Variants in CARHSP1 observed in about 807,000 individuals in gnomAD.
CARHSP1 encodes calcium regulated heat stable protein 1, also known as calcium-regulated heat-stable protein 1.
A neutral mutation model predicts 12.5 loss-of-function variants in CARHSP1; 14 were observed. The ratio of observed to expected loss-of-function variants is 1.12; its 90% CI spans 0.74 to 1.75. The LOEUF is 1.75. Ranked by LOEUF, CARHSP1 falls within the 40% of genes most tolerant of loss-of-function variation. CARHSP1 has a pLI of 0.00. For missense variants in CARHSP1, 343 were observed against 201.6 expected (o/e 1.70, Z -4.25); for synonymous variants, 161 against 82.0 (o/e 1.96, Z -5.20).
At position 8,864,605 on chromosome 16, in the gene CARHSP1, C is replaced by T. The variant is rs186354967; in HGVS notation, c.-8+4361G>A. Among the ~76,000 whole-genome samples, 22 of 152,270 alleles carry T rather than the reference C, an allele frequency of 1.4e-4. 1 individual carries two copies. The highest frequency in any genetic ancestry group is 3.4e-3 in the Middle Eastern group (1 of 294). ...AGTAAGTCAGACAGCAGAAATGCTA[C>T]GGAGAAAAAGCCAGCAGGGTAAGGG... is the stretch of plus-strand genomic sequence containing the variant. On this transcript the variant is annotated intron_variant, in intron 1 of 3. Transcript: ENST00000311052.
chr16:8,860,143 G>A (rs899257), intron 1 of CARHSP1: 981,209 of 985,436 alleles, frequency 1, 488,631 homozygotes, highest in East Asian at 1. Flanking sequence ...TGTGGAACAC[G>A]TCGCAGAGAG....
chr16:8,859,195 G>A lies in CARHSP1; in HGVS notation c.134C>T (p.Thr45Ile). ...CGCCGAGAAGGTCCTCGTCCGGCGA[G>A]TGGGCAGTGGGCTTGGGACCACGTT... ...RGNVVPSPLP[T>I]RRTRTFSATV... Residue 45 changes from threonine to isoleucine, a missense_variant, in exon 2 of 4, where the codon ACT becomes ATT. Thr to Ile is a moderately conservative substitution (Grantham distance 89). Transcript: ENST00000311052. The A allele has an allele frequency of 6.2e-7, 1 of 1,602,526 alleles. No individual in the cohort carries two copies. Among genetic ancestry groups the A allele is most frequent in the South Asian group, 1.1e-5 (1 of 89,578 alleles).
chr16:8,865,444 T>G (rs967199528), intron 1 of CARHSP1, among the ~76,000 whole-genome samples: 1 of 152,228 alleles, frequency 6.6e-6, no homozygotes, highest in Admixed American at 6.5e-5. Flanking sequence ...AGCCCCTTTA[T>G]TGAAGACAGG....
chr16:8,866,546 G>A (rs149520085), intron 1 of CARHSP1: 2 of 803,236 alleles, frequency 2.5e-6, no homozygotes, highest in South Asian at 1.1e-4. Context: ...AGGCGGGGCG[G>A]GTCAGCTGAG....
chr16:8,860,705 G>C (rs1276416368), intron 1 of CARHSP1, among the ~76,000 whole-genome samples: 2 of 152,084 alleles, frequency 1.3e-5, no homozygotes, highest in African/African-American at 4.8e-5. Context: ...GGGAGGGACA[G>C]CAGCAGCCCT....
rs2060991692 is a variant in CARHSP1 at position 8,853,146 on chromosome 16, T to G, written c.*2018A>C. ...CTGCGGTTCTAGAATACCCATTGAT[T>G]GAAAGAGCTGTGGCCAAACAGGAAG... On this transcript the variant is annotated 3_prime_UTR_variant, in exon 4 of 4. Coordinates refer to ENST00000311052, the MANE Select transcript of CARHSP1 (RefSeq NM_014316.4). The G allele has an allele frequency of 6.6e-6, 1 of 151,910 alleles. No individual in the cohort carries two copies. The highest frequency in any genetic ancestry group is 1.5e-5 in the Non-Finnish European group (1 of 68,016). The allele number at this position is 151,910 out of a possible 1,614,324, so 9.4% of individuals were successfully genotyped here.
rs1029196272 is a variant in CARHSP1 at position 8,855,102 on chromosome 16, C to G, written c.*62G>C. 1 of 1,397,668 alleles carries G rather than the reference C, an allele frequency of 7.2e-7. No homozygotes were observed. The allele number at this position is 1,397,668 out of a possible 1,614,324, so 86.6% of individuals were successfully genotyped here. On this transcript the variant is annotated 3_prime_UTR_variant, in exon 4 of 4. Coordinates refer to ENST00000311052, the MANE Select transcript of CARHSP1 (RefSeq NM_014316.4). ...TGTGGAAGAATGTCATCTCCAGTGT[C>G]TGCTGCCTCCTCCCTGCAAAGTCTC... is the stretch of plus-strand genomic sequence containing the variant.
Position 8,855,305 on chromosome 16 carries a change from T to G in CARHSP1, c.303A>C (p.Pro101=). The change falls in exon 4 of 4, where the codon CCA becomes CCC. Residue 101 remains proline, a synonymous_variant. Transcript: ENST00000311052. ...TATAGGTGACCTCGTCGCCTTCCAC[T>G]GGGACATACTCCCCTTCCACACTAC... ...HISDVEGEYV[P]VEGDEVTYKM... 1 of 1,607,194 alleles carries G rather than the reference T, an allele frequency of 6.2e-7. No homozygotes were observed. Among genetic ancestry groups the G allele is most frequent in the East Asian group, 2.2e-5 (1 of 44,522 alleles).
intron 2 of CARHSP1, 100 bp from the exon 3 acceptor site, chr16:8,858,572 C>A: frequency 7.0e-7 from 1 of 1,432,750 alleles, no homozygotes; most frequent in Non-Finnish European, 9.4e-7. Context: ...CAAGCCCTGG[C>A]CAGGACCGCC....
chr16:8,856,661 G>A (rs1377610823), intron 3 of CARHSP1, among the ~76,000 whole-genome samples: 1 of 152,188 alleles, frequency 6.6e-6, no homozygotes, highest in African/African-American at 2.4e-5. Flanking sequence ...CCCCATTGCA[G>A]TGGGCTCCTC....
Position 8,853,681 on chromosome 16 carries a change from A to G in CARHSP1, c.*1483T>C, listed in dbSNP as rs1274573503. On this transcript the variant is annotated 3_prime_UTR_variant, in exon 4 of 4. Coordinates refer to ENST00000311052, the MANE Select transcript of CARHSP1 (RefSeq NM_014316.4). ...GTGGATTCTTGACTACATATAGGTC[A>G]TATATTTCAAAAAATAATGCCTAGC... 6.6e-6 allele frequency: 1 copy of G among 152,230 alleles called. No homozygotes were observed. Among genetic ancestry groups the G allele is most frequent in the Non-Finnish European group, 1.5e-5 (1 of 68,044 alleles). The allele number at this position is 152,230 out of a possible 1,614,324, so 9.4% of individuals were successfully genotyped here. A position where few individuals can be genotyped will look rare whatever the true frequency, so the allele number is the denominator to read the frequency against.
chr16:8,860,396 G>A, intron 1 of CARHSP1: 2 of 985,392 alleles, frequency 2.0e-6, no homozygotes, highest in Non-Finnish European at 2.4e-6. Context: ...CTGCTGCTGT[G>A]CTTTTGACAA....
At chr16:8,857,263 G>GTTT (rs756390920) in intron 3 of CARHSP1, among the ~76,000 whole-genome samples, 9 of 57,004 alleles carry the variant, frequency 1.6e-4, no homozygotes, top group Non-Finnish European at 2.2e-4. Context: ...GGGCAGATCT[G>GTTT]TTTTTTTTTT....
Position 8,858,417 on chromosome 16 carries a change from G to A in CARHSP1, c.214C>T (p.Arg72Trp), listed in dbSNP as rs776082130. The A allele has an allele frequency of 3.7e-6, 6 of 1,614,024 alleles. No individual in the cohort carries two copies. The highest frequency in any genetic ancestry group is 3.3e-5 in the Admixed American group (2 of 60,008). Residue 72 changes from arginine (R) to tryptophan (W), a missense_variant, in exon 3 of 4, where the codon CGG becomes TGG. By Grantham distance (101) the Arg-to-Trp change is moderately radical. Coordinates refer to ENST00000311052, the MANE Select transcript of CARHSP1 (RefSeq NM_014316.4). ...VYKGVCKCFC[R>W]SKGHGFITPA... ...GTAATGAAGCCATGGCCCTTGGACC[G>A]GCAGAAGCATTTGCAGACTCCTTTG...
chr16:8,862,921 TTC>T (rs1215165696), intron 1 of CARHSP1, among the ~76,000 whole-genome samples: 1 of 151,956 alleles, frequency 6.6e-6, no homozygotes, highest in African/African-American at 2.4e-5. Flanking sequence ...GGGGGCCCCC[TTC>T]TTTCTCCACC....
chr16:8,861,158 ATTTTTTTTTTTTTTTT>A lies in CARHSP1; in HGVS notation c.-7-1839_-7-1824del, dbSNP rs765114977. ...ACTGTAGCCTTGACCTCCATGCCTA[ATTTTTTTTTTTTTTTT>A]TTTTTTTTTTTTTTTTTTTTTTTTT... On this transcript the variant is annotated intron_variant, in intron 1 of 3. Transcript: ENST00000311052. Among the ~76,000 whole-genome samples, 327 of 51,244 alleles carry A rather than the reference ATTTTTTTTTTTTTTTT, an allele frequency of 6.4e-3. 1 individual carries two copies. Among genetic ancestry groups the A allele is most frequent in the South Asian group, 0.015 (14 of 948 alleles). 33.6% of individuals were successfully genotyped at this position (51,244 alleles called of 152,430 possible).
intron 1 of CARHSP1, chr16:8,860,563 A>G: frequency 1.0e-6 from 1 of 980,116 alleles, no homozygotes; most frequent in Non-Finnish European, 1.2e-6. Flanking sequence ...CTCTGGGCTC[A>G]GTTTCCGAAT....
At position 8,855,030 on chromosome 16, in the gene CARHSP1, C is replaced by A; in HGVS notation, c.*134G>T. The A allele has an allele frequency of 3.0e-6, 2 of 663,034 alleles. No individual in the cohort carries two copies. Among genetic ancestry groups the A allele is most frequent in the East Asian group, 3.8e-5 (1 of 26,130 alleles). 41.1% of individuals were successfully genotyped at this position (663,034 alleles called of 1,614,324 possible). ...ACACCTGCCCCCCATACCCCTTCCT[C>A]CAGGAGATACTTGAGAGGGACCATG... On this transcript the variant is annotated 3_prime_UTR_variant, in exon 4 of 4. Transcript: ENST00000311052.
intron 1 of CARHSP1, chr16:8,866,299 A>G (rs2061453708): frequency 2.8e-6 from 1 of 356,340 alleles, no homozygotes. Context: ...TCCCTGACCC[A>G]GGGAACACGG....
Sources: allele counts gnomAD v4.1 joint callset (sites outside exome capture counted in the v4.1 genomes callset), GRCh38; gene constraint gnomAD v4.1.1; transcripts MANE v1.5; gene names NCBI Gene and HGNC (gene_info 2026-07-23, HGNC 2026-07-21).